Variants in RIMS1 observed in about 807,000 individuals in gnomAD.
RIMS1 encodes the protein regulating synaptic membrane exocytosis 1, also known as regulating synaptic membrane exocytosis protein 1.
RIMS1 carries 83 observed loss-of-function variants against 214.1 expected under a neutral mutation model. The observed-to-expected ratio is 0.39, with a 90% CI of 0.32 to 0.47. The LOEUF (loss-of-function observed/expected upper bound fraction) is 0.47, where lower values mean the gene tolerates loss of function less well. RIMS1 is among the 20% of genes least tolerant of loss of function. RIMS1 has a pLI of 0.99. For synonymous variants in RIMS1, 793 were observed against 786.8 expected (o/e 1.01, Z -0.13); for missense variants, 2,050 against 2,161.8 (o/e 0.95, Z 1.03).
intron 2 of RIMS1, among the ~76,000 whole-genome samples, chr6:72,088,003 C>G (rs1383254942): frequency 6.6e-6 from 1 of 152,082 alleles, no homozygotes; most frequent in Admixed American, 6.6e-5. Flanking sequence ...AGGATATGAA[C>G]AAAATGATTT....
At chr6:72,279,496 G>C (rs1314583533) in intron 23 of RIMS1, among the ~76,000 whole-genome samples, 6 of 151,854 alleles carry the variant, frequency 4.0e-5, no homozygotes, top group Non-Finnish European at 8.8e-5. Flanking sequence ...TGTGAATAAA[G>C]GGAGAAAAAC....
chr6:72,097,081 T>A lies in RIMS1; in HGVS notation c.378T>A (p.Asp126Glu), dbSNP rs372731230. ...CGICHKTKFA[D>E]GCGHLCSYCR... is the part of the protein sequence containing the mutation. ...TCTGTCATAAAACAAAGTTTGCTGA[T>A]GGGTGCGGTCATCTCTGCTCCTATT... The change falls in exon 3 of 34, where the codon GAT becomes GAA. Residue 126 changes from aspartate to glutamate, a missense_variant. Transcript: ENST00000521978. 28 of 1,613,876 alleles carry A rather than the reference T, an allele frequency of 1.7e-5. No individual in the cohort carries two copies. Among genetic ancestry groups the A allele is most frequent in the Non-Finnish European group, 2.3e-5 (27 of 1,179,888 alleles).
chr6:72,343,092 T>TA (rs2097149635), intron 29 of RIMS1, among the ~76,000 whole-genome samples: 1 of 151,796 alleles, frequency 6.6e-6, no homozygotes, highest in Non-Finnish European at 1.5e-5. Flanking sequence ...AAAGTAACTT[T>TA]AAAAAAACAT....
chr6:72,287,671 C>T (rs886575022), intron 24 of RIMS1, among the ~76,000 whole-genome samples: 1 of 151,624 alleles, frequency 6.6e-6, no homozygotes, highest in Non-Finnish European at 1.5e-5. Flanking sequence ...TGTTGGCTCA[C>T]TGCAGCCTCT....
chr6:72,393,377 G>GA (rs1351683222), intron 31 of RIMS1, among the ~76,000 whole-genome samples: 38 of 152,132 alleles, frequency 2.5e-4, no homozygotes, highest in African/African-American at 8.7e-4. Flanking sequence ...AGGCTTGATA[G>GA]AAAATCATGC....
rs117098381 is a variant in RIMS1, at chr6:72,052,680, A to G, written c.246-44269A>G. ...CAATTTCCTTATGTGTAAAAATAATATGAGATTTACTGAGGTTTAATGAGA... is the reference window on the plus strand; with the variant it reads ...CAATTTCCTTATGTGTAAAAATAATGTGAGATTTACTGAGGTTTAATGAGA... On this transcript the variant is annotated intron_variant, in intron 2 of 33. Coordinates refer to ENST00000521978, the MANE Select transcript of RIMS1 (RefSeq NM_014989.7). 3.1e-3 allele frequency among the ~76,000 whole-genome samples: 469 copies of G among 152,310 alleles called. 6 individuals carry two copies. Among genetic ancestry groups the G allele is most frequent in the Non-Finnish European group, 3.4e-3 (234 of 68,018 alleles).
At chr6:72,093,232 A>ATATATATATATATATATATATG (rs202036845) in intron 2 of RIMS1, among the ~76,000 whole-genome samples, 1 of 136,384 alleles carries the variant, frequency 7.3e-6, no homozygotes, top group South Asian at 2.3e-4. Context: ...ATATATAAAA[A>ATATATATATATATATATATATG]CATGTGTGTA....
intron 6 of RIMS1, among the ~76,000 whole-genome samples, chr6:72,209,999 A>G (rs2053563036): frequency 6.6e-6 from 1 of 152,158 alleles, no homozygotes; most frequent in East Asian, 1.9e-4. Context: ...ACTTTGGTAC[A>G]GAAGCTGTCC....
intron 4 of RIMS1, among the ~76,000 whole-genome samples, chr6:72,171,788 C>T (rs370283295): frequency 6.6e-5 from 10 of 152,038 alleles, no homozygotes; most frequent in Non-Finnish European, 1.3e-4. Context: ...CATGTTGAGA[C>T]GGTTATCTAT....
At chr6:72,278,243 C>A (rs1208827368) in intron 23 of RIMS1, among the ~76,000 whole-genome samples, 1 of 151,680 alleles carries the variant, frequency 6.6e-6, no homozygotes, top group Non-Finnish European at 1.5e-5. Flanking sequence ...GACTCAAATA[C>A]CAAAAATATT....
intron 2 of RIMS1, among the ~76,000 whole-genome samples, chr6:72,092,372 G>C (rs1836536194): frequency 6.8e-6 from 1 of 147,034 alleles, no homozygotes; most frequent in Non-Finnish European, 1.5e-5. Context: ...AGTTGGAGAA[G>C]TTGACAGGGA....
At chr6:71,915,277 G>C (rs1287508962) in intron 1 of RIMS1, among the ~76,000 whole-genome samples, 13 of 151,832 alleles carry the variant, frequency 8.6e-5, no homozygotes, top group Non-Finnish European at 2.9e-5. Flanking sequence ...CCCCAATTCT[G>C]TCACATATAC....
At chr6:71,954,442 CTT>C (rs1468615572) in intron 1 of RIMS1, among the ~76,000 whole-genome samples, 1 of 152,178 alleles carries the variant, frequency 6.6e-6, no homozygotes, top group East Asian at 1.9e-4. Context: ...AACAATTCAT[CTT>C]GATGCAAAAT....
intron 6 of RIMS1, among the ~76,000 whole-genome samples, chr6:72,231,200 T>C (rs1372609424): frequency 6.6e-6 from 1 of 151,732 alleles, no homozygotes; most frequent in African/African-American, 2.4e-5. Flanking sequence ...TTAAGAGTGC[T>C]TCAAAGTTCA....
chr6:72,265,917 C>T (rs367825554), intron 21 of RIMS1, 43 bp from the exon 22 acceptor site: 14 of 1,370,224 alleles, frequency 1.0e-5, no homozygotes, highest in Middle Eastern at 1.8e-4. Flanking sequence ...TTTGTTTTCT[C>T]TGTCTTTCTC....
rs538280307 is a variant in RIMS1 at position 72,198,817 on chromosome 6, A to G, written c.1678+15668A>G. Among the ~76,000 whole-genome samples, 247 of 152,156 alleles carry G rather than the reference A, an allele frequency of 1.6e-3. 3 individuals carry two copies. Among genetic ancestry groups the G allele is most frequent in the Non-Finnish European group, 2.1e-3 (140 of 67,936 alleles). On this transcript the variant is annotated intron_variant, in intron 6 of 33. Transcript: ENST00000521978. ...GTGTTAATAAAAATATACAGAATCA[A>G]TTATGAGCAAAGTAATTTTGAAACC...
intron 2 of RIMS1, among the ~76,000 whole-genome samples, chr6:72,029,557 A>G (rs941503312): frequency 3.9e-5 from 6 of 152,156 alleles, no homozygotes; most frequent in Non-Finnish European, 5.9e-5. Flanking sequence ...TGTTGGCATC[A>G]TGATATTGGA....
At chr6:72,245,987 C>A in intron 11 of RIMS1, 126 bp downstream of exon 11, 2 of 612,808 alleles carry the variant, frequency 3.3e-6, no homozygotes, top group South Asian at 2.4e-5. Context: ...TCCATTGGTA[C>A]TAGATGTTGG....
chr6:72,227,399 A>C (rs1416925167), intron 6 of RIMS1, among the ~76,000 whole-genome samples: 2 of 137,162 alleles, frequency 1.5e-5, no homozygotes, highest in Non-Finnish European at 3.1e-5. Flanking sequence ...ATCTCATTCT[A>C]CCCTCAGAAG....
Sources: gnomAD v4.1 joint callset for allele counts (sites outside exome capture counted in the v4.1 genomes callset) on GRCh38, gnomAD v4.1.1 for gene constraint, MANE v1.5 for transcripts, NCBI Gene and HGNC (gene_info 2026-07-23, HGNC 2026-07-21) for gene names.